The following STX6 variants were observed in gnomAD, a reference collection of about 807,000 sequenced individuals.
The protein encoded by STX6 is syntaxin 6, also known as syntaxin-6.
STX6 carries 23 observed loss-of-function variants against 38.0 expected under a neutral mutation model. The observed-to-expected ratio is 0.60, with a 90% CI of 0.43 to 0.86. The LOEUF (loss-of-function observed/expected upper bound fraction) is 0.86. Ranked by LOEUF, STX6 falls within the 40% of genes least tolerant of loss-of-function variation. The pLI, the probability that STX6 is intolerant of heterozygous loss-of-function variation, is 0.00. For synonymous variants in STX6, 123 were observed against 107.5 expected, an observed-to-expected ratio of 1.14 and a Z score of -0.89; for missense variants, 274 against 312.9, an observed-to-expected ratio of 0.88 and a Z score of 0.94.
chr1:180,988,393 G>A, intron 5 of STX6, 48 bp from the exon 6 acceptor site: 9 of 1,471,776 alleles, frequency 6.1e-6, no homozygotes, highest in Middle Eastern at 1.7e-4. Flanking sequence ...CATCTTACCT[G>A]GTTCCAAGCC....
In STX6 at chr1:180,984,764, C is replaced by A. The variant is rs1655523921; in HGVS notation, c.604G>T (p.Glu202Ter). ...GELEEQAVML[E>*]DFSHELESTQ... ...CTCTCCAATTCGTGAGAGAAATCTT[C>A]CAACATACTAGAGAGAAGCAGACAC... Residue 202 changes from glutamate to a stop codon, truncating the protein, a stop_gained, in exon 7 of 8, where the codon GAA (glutamate) becomes TAA (stop). Transcript: ENST00000258301. LOFTEE classifies it high-confidence loss of function. 3 of 1,547,832 alleles carry A rather than the reference C, an allele frequency of 1.9e-6. No homozygotes were observed. The highest frequency in any genetic ancestry group is 2.7e-6 in the Non-Finnish European group (3 of 1,119,830).
At chr1:181,005,608 A>G in intron 1 of STX6, 145 bp from the exon 2 acceptor site, 1 of 716,500 alleles carries the variant, frequency 1.4e-6, no homozygotes, top group Non-Finnish European at 2.2e-6. Flanking sequence ...ACAAATATCA[A>G]AGTTCAAAAC....
At chr1:180,984,068 A>AC (rs1286383426) in intron 7 of STX6, among the ~76,000 whole-genome samples, 1 of 145,662 alleles carries the variant, frequency 6.9e-6, no homozygotes, top group African/African-American at 2.5e-5. Context: ...CATCTCAAAA[A>AC]AAAAAAAAAA....
intron 7 of STX6, among the ~76,000 whole-genome samples, chr1:180,982,391 C>CA (rs1291986062): frequency 2.0e-5 from 3 of 152,184 alleles, no homozygotes; most frequent in African/African-American, 4.8e-5. Context: ...AGCAACCTGT[C>CA]AAAAGTGAAG....
chr1:181,019,190 C>T (rs764670323), intron 1 of STX6, among the ~76,000 whole-genome samples: 6 of 152,164 alleles, frequency 3.9e-5, no homozygotes, highest in Non-Finnish European at 4.4e-5. Context: ...TCCACCTGGG[C>T]TGCTCTTCCA....
At chr1:181,013,563 C>CT (rs1656470584) in intron 1 of STX6, among the ~76,000 whole-genome samples, 1 of 152,230 alleles carries the variant, frequency 6.6e-6, no homozygotes, top group South Asian at 2.1e-4. Context: ...AGTGATCCTC[C>CT]TGCCTTGGCC....
rs1655233263 is a variant in STX6 at position 180,975,875 on chromosome 1, GCTC to G, written c.*692_*694del. ...CAGAACCCTCTTGCTCTTTTTAATT[GCTC>G]CTGTCAGTTAAAGCCACAAGTTGTT... On this transcript the variant is annotated 3_prime_UTR_variant, in exon 8 of 8. Transcript: ENST00000258301. The G allele has an allele frequency of 1.3e-5, 2 of 152,152 alleles. No homozygotes were observed. The highest frequency in any genetic ancestry group is 1.3e-4 in the Admixed American group (2 of 15,266). 9.4% of individuals were successfully genotyped at this position (152,152 alleles called of 1,614,324 possible).
intron 4 of STX6, among the ~76,000 whole-genome samples, chr1:180,991,042 T>C (rs1655742874): frequency 6.6e-6 from 1 of 152,106 alleles, no homozygotes; most frequent in African/African-American, 2.4e-5. Flanking sequence ...AATTTTCCTA[T>C]CGGGTAATTT....
chr1:180,993,444 C>G lies in STX6; in HGVS notation c.301-19G>C. The G allele has an allele frequency of 6.7e-7, 1 of 1,498,164 alleles. No homozygotes were observed. The highest frequency in any genetic ancestry group is 9.2e-7 in the Non-Finnish European group (1 of 1,083,766). 92.8% of individuals were successfully genotyped at this position (1,498,164 alleles called of 1,614,324 possible). On this transcript the variant is annotated intron_variant, in intron 3 of 7. Coordinates refer to ENST00000258301, the MANE Select transcript of STX6 (RefSeq NM_005819.6). ...TCATGTCCTAATGAGAAAGAAGATA[C>G]GAAAACAAATGAAAAATATCCTTAA...
intron 3 of STX6, among the ~76,000 whole-genome samples, chr1:181,002,390 G>C (rs1359537274): frequency 6.6e-6 from 1 of 151,956 alleles, no homozygotes; most frequent in Non-Finnish European, 1.5e-5. Context: ...CTGGGCTCAA[G>C]TGATCCACCC....
At chr1:181,022,485 G>A (rs1656767233) in intron 1 of STX6, among the ~76,000 whole-genome samples, 154 bp downstream of exon 1, 1 of 152,142 alleles carries the variant, frequency 6.6e-6, no homozygotes, top group South Asian at 2.1e-4. Flanking sequence ...GTCTCTTGAC[G>A]CTTGGTCATG....
Position 180,975,812 on chromosome 1 carries a change from T to G in STX6, c.*758A>C, listed in dbSNP as rs1334044438. On this transcript the variant is annotated 3_prime_UTR_variant, in exon 8 of 8. Coordinates refer to ENST00000258301, the MANE Select transcript of STX6 (RefSeq NM_005819.6). ...TCGGCAAGGATCAGGAGCTGACCTGTGGCGACATCATTAACCCTTCCCTAA... is the reference window on the plus strand; with the variant it reads ...TCGGCAAGGATCAGGAGCTGACCTGGGGCGACATCATTAACCCTTCCCTAA... 1 of 152,232 alleles carries G rather than the reference T, an allele frequency of 6.6e-6. No individual in the cohort carries two copies. Among genetic ancestry groups the G allele is most frequent in the Non-Finnish European group, 1.5e-5 (1 of 68,034 alleles). The allele number at this position is 152,232 out of a possible 1,614,324, so 9.4% of individuals were successfully genotyped here.
intron 1 of STX6, among the ~76,000 whole-genome samples, chr1:181,007,026 T>C (rs1437914843): frequency 2.6e-5 from 4 of 152,294 alleles, no homozygotes; most frequent in Non-Finnish European, 2.9e-5. Flanking sequence ...TTAAGTGAGG[T>C]GAAAATCTAC....
intron 3 of STX6, among the ~76,000 whole-genome samples, chr1:180,996,399 C>A (rs1655916745): frequency 6.6e-6 from 1 of 152,192 alleles, no homozygotes; most frequent in South Asian, 2.1e-4. Flanking sequence ...CACAAATGAT[C>A]AAACATGAAT....
chr1:180,991,554 G>A (rs764332758), intron 4 of STX6, among the ~76,000 whole-genome samples: 1 of 152,160 alleles, frequency 6.6e-6, no homozygotes, highest in African/African-American at 2.4e-5. Context: ...CGTTTTCCAT[G>A]GTGTACACTT....
At chr1:180,995,523 C>T (rs938936882) in intron 3 of STX6, among the ~76,000 whole-genome samples, 3 of 152,284 alleles carry the variant, frequency 2.0e-5, no homozygotes, top group South Asian at 2.1e-4. Flanking sequence ...TTAAAAACTA[C>T]GCAGAGCAAC....
chr1:180,984,596 G>A (rs1372706535), intron 7 of STX6, 81 bp downstream of exon 7: 7 of 560,704 alleles, frequency 1.2e-5, no homozygotes, highest in African/African-American at 1.2e-4. Context: ...GGATCTGGAT[G>A]GGCATAACTA....
chr1:181,020,856 T>C lies in STX6; in HGVS notation c.35+1783A>G, dbSNP rs547852091. ...GCCATAATTTAGGCACCTTTAATTT[T>C]TGCATGCTGTGTAATGCATTTTTGA... On this transcript the variant is annotated intron_variant, in intron 1 of 7. Transcript: ENST00000258301. Among the ~76,000 whole-genome samples the C allele has an allele frequency of 8.5e-5, 13 of 152,318 alleles. No homozygotes were observed. In the South Asian group the frequency reaches 1.9e-3, roughly 22 times the overall value.
chr1:181,020,720 G>A (rs563256964), intron 1 of STX6, among the ~76,000 whole-genome samples: 2 of 152,248 alleles, frequency 1.3e-5, no homozygotes, highest in African/African-American at 2.4e-5. Context: ...AACTCCTGAG[G>A]CACTTATCTG....
Sources: gnomAD v4.1 joint callset for allele counts (sites outside exome capture counted in the v4.1 genomes callset) on GRCh38, gnomAD v4.1.1 for gene constraint, MANE v1.5 for transcripts, NCBI Gene and HGNC (gene_info 2026-07-23, HGNC 2026-07-21) for gene names.